CLEC16A: variants seen among roughly 807,000 people sequenced by gnomAD.
CLEC16A encodes protein CLEC16A.
Under a neutral mutation model 109.5 loss-of-function variants are expected in CLEC16A, and 51 were observed. The ratio of observed to expected loss-of-function variants is 0.47; its 90% CI spans 0.37 to 0.59. CLEC16A has a LOEUF of 0.59. Among genes scored for constraint, CLEC16A ranks in the 20% least tolerant of loss-of-function variants. The pLI is 0.00. For missense variants in CLEC16A, 1,339 were observed against 1,394.0 expected (o/e 0.96, Z 0.63); for synonymous variants, 673 against 564.2 (o/e 1.19, Z -2.73).
At chr16:11,148,733 G>C (rs2054171969) in intron 22 of CLEC16A, among the ~76,000 whole-genome samples, 1 of 152,194 alleles carries the variant, frequency 6.6e-6, no homozygotes, top group Non-Finnish European at 1.5e-5. Flanking sequence ...GGCCAGGAAA[G>C]CACAGCCATC....
At chr16:10,973,153 C>T in intron 7 of CLEC16A, 92 bp downstream of exon 7, 1 of 1,399,640 alleles carries the variant, frequency 7.1e-7, no homozygotes, top group Non-Finnish European at 9.7e-7. Context: ...ACAAGAACCG[C>T]ACTTCCCTAC....
intron 19 of CLEC16A, among the ~76,000 whole-genome samples, chr16:11,111,137 G>T (rs568150884): frequency 5.9e-5 from 9 of 152,222 alleles, no homozygotes; most frequent in Admixed American, 2.6e-4. Flanking sequence ...TTTTAGATGT[G>T]CCTGGATGTA....
At chr16:11,098,398 G>T (rs763195744) in intron 19 of CLEC16A, among the ~76,000 whole-genome samples, 1 of 152,226 alleles carries the variant, frequency 6.6e-6, no homozygotes, top group African/African-American at 2.4e-5. Context: ...CTGCTACCAG[G>T]TATTTGCATC....
chr16:11,177,668 C>G (rs1313087541), intron 23 of CLEC16A, among the ~76,000 whole-genome samples: 1 of 151,520 alleles, frequency 6.6e-6, no homozygotes, highest in Non-Finnish European at 1.5e-5. Context: ...TTGGGTGGAA[C>G]CTCACCTGCC....
chr16:11,098,408 C>T (rs2050726834), intron 19 of CLEC16A, among the ~76,000 whole-genome samples: 1 of 152,232 alleles, frequency 6.6e-6, no homozygotes, highest in Non-Finnish European at 1.5e-5. Flanking sequence ...GTATTTGCAT[C>T]CCAGCCTGTT....
chr16:11,094,275 A>G (rs1188937133), intron 19 of CLEC16A, among the ~76,000 whole-genome samples: 2 of 152,188 alleles, frequency 1.3e-5, no homozygotes, highest in African/African-American at 4.8e-5. Flanking sequence ...GAAGGGTAAC[A>G]TGAGTCAGGG....
intron 22 of CLEC16A, chr16:11,136,308 C>G (rs1013407110): frequency 2.6e-5 from 4 of 152,198 alleles, no homozygotes; most frequent in Non-Finnish European, 4.4e-5. Flanking sequence ...ATGGTAGATT[C>G]TGTTATGTGT....
At chr16:11,004,686 C>T (rs1378481933) in intron 11 of CLEC16A, among the ~76,000 whole-genome samples, 1 of 152,154 alleles carries the variant, frequency 6.6e-6, no homozygotes, top group Non-Finnish European at 1.5e-5. Flanking sequence ...TTGCTTGCTC[C>T]ATCATGACTT....
At chr16:11,042,680 C>G (rs1313897186) in intron 15 of CLEC16A, among the ~76,000 whole-genome samples, 2 of 152,170 alleles carry the variant, frequency 1.3e-5, no homozygotes, top group African/African-American at 2.4e-5. Flanking sequence ...CACATACAAA[C>G]ACATCAACAC....
chr16:10,949,449 G>A (rs1030700979), intron 1 of CLEC16A, among the ~76,000 whole-genome samples: 7 of 152,014 alleles, frequency 4.6e-5, no homozygotes, highest in Admixed American at 1.3e-4. Flanking sequence ...GGTGTCAGGT[G>A]GAAGGAAGGA....
intron 21 of CLEC16A, among the ~76,000 whole-genome samples, chr16:11,125,295 G>A (rs908098186): frequency 6.6e-6 from 1 of 151,966 alleles, no homozygotes; most frequent in Non-Finnish European, 1.5e-5. Context: ...TTTATTTTCA[G>A]AGAGTTTTTT....
intron 19 of CLEC16A, among the ~76,000 whole-genome samples, chr16:11,083,191 C>G (rs2049828815): frequency 6.6e-6 from 1 of 152,166 alleles, no homozygotes; most frequent in Non-Finnish European, 1.5e-5. Flanking sequence ...GAGGCAGGGT[C>G]TTGCTCTGTT....
At chr16:11,097,247 C>T (rs1033824365) in intron 19 of CLEC16A, among the ~76,000 whole-genome samples, 3 of 152,206 alleles carry the variant, frequency 2.0e-5, no homozygotes, top group African/African-American at 7.2e-5. Context: ...GTGTGAGCAG[C>T]TGGGTGAGTA....
chr16:11,042,287 G>T lies in CLEC16A; in HGVS notation c.1694G>T (p.Ser565Ile). ...GKIRLATLEL[S>I]CLLLKQQVLM... ...ATCCGGCTGGCGACGCTGGAGCTGA[G>T]CTGCCTGCTTCTGAAGCAGCAAGTC... Residue 565 changes from serine (S) to isoleucine (I), a missense_variant, in exon 15 of 24, where the codon AGC (serine) becomes ATC (isoleucine). Physicochemically the swap from Ser to Ile is moderately radical, Grantham distance 142. This residue lies in a region of CLEC16A where 1,061 missense variants were observed against 1,006.8 expected (regional missense o/e 1.05). Transcript: ENST00000409790. 1.3e-6 allele frequency: 2 copies of T among 1,589,436 alleles called. No individual in the cohort carries two copies. Among genetic ancestry groups the T allele is most frequent in the South Asian group, 1.2e-5 (1 of 86,656 alleles).
chr16:11,135,578 A>G (rs1339770924), intron 22 of CLEC16A, among the ~76,000 whole-genome samples: 2 of 152,206 alleles, frequency 1.3e-5, no homozygotes, highest in African/African-American at 4.8e-5. Flanking sequence ...TACCTAACTC[A>G]TACTGCCAAA....
intron 12 of CLEC16A, among the ~76,000 whole-genome samples, chr16:11,022,628 A>G (rs555850025): frequency 1.2e-4 from 18 of 152,140 alleles, no homozygotes; most frequent in East Asian, 7.7e-4. Context: ...GGCCGGGTGC[A>G]GTGGCTCATG....
At chr16:11,169,321 T>A (rs1466002758) in intron 23 of CLEC16A, among the ~76,000 whole-genome samples, 2 of 152,118 alleles carry the variant, frequency 1.3e-5, no homozygotes, top group Non-Finnish European at 2.9e-5. Context: ...GAGTCTTGCT[T>A]AGTTGCCCAG....
At chr16:10,955,628 T>A (rs562140436) in intron 1 of CLEC16A, among the ~76,000 whole-genome samples, 65 of 152,256 alleles carry the variant, frequency 4.3e-4, no homozygotes, top group Non-Finnish European at 9.0e-4. Context: ...TCCTAAAGAA[T>A]TTAAAATTTC....
At chr16:10,984,073 G>C (rs922512426) in intron 10 of CLEC16A, among the ~76,000 whole-genome samples, 2 of 152,166 alleles carry the variant, frequency 1.3e-5, no homozygotes, top group Non-Finnish European at 2.9e-5. Context: ...CCTCTCTGCA[G>C]CCAGGTGCTC....
Sources: gnomAD v4.1 joint callset for allele counts (sites outside exome capture counted in the v4.1 genomes callset) on GRCh38, gnomAD v4.1.1 for gene constraint, gnomAD v4.1.1 regional missense constraint, MANE v1.5 for transcripts, NCBI Gene and HGNC (gene_info 2026-07-23, HGNC 2026-07-21) for gene names.